Variants in MAP7D1 observed in about 807,000 individuals in gnomAD.
MAP7D1 encodes the protein MAP7 domain-containing protein 1.
In MAP7D1, 30 loss-of-function variants were observed where a neutral mutation model predicts 97.5. The observed-to-expected ratio is 0.31, with a 90% CI of 0.23 to 0.42. MAP7D1 has a LOEUF of 0.42. Among genes scored for constraint, MAP7D1 ranks in the 10% least tolerant of loss-of-function variants. The pLI is 1.00. For synonymous variants in MAP7D1, 536 were observed against 477.1 expected (o/e 1.12, Z -1.61); for missense variants, 1,184 against 1,179.5 (o/e 1.00, Z -0.06).
In MAP7D1 at chr1:36,180,538, G is replaced by A; in HGVS notation, c.*280G>A. The A allele has an allele frequency of 5.8e-6, 3 of 519,474 alleles. No individual in the cohort carries two copies. The South Asian group carries it at 6.3e-5, about 11-fold the overall frequency. 32.2% of individuals were successfully genotyped at this position (519,474 alleles called of 1,614,324 possible). A position where few individuals can be genotyped will look rare whatever the true frequency, so the allele number is the denominator to read the frequency against. ...CTCTCTGGCCTCTTCCCTTGGGGAGGGGCCACCTGTAGTATTTGCCTTGAT... is the reference window on the plus strand; with the variant it reads ...CTCTCTGGCCTCTTCCCTTGGGGAGAGGCCACCTGTAGTATTTGCCTTGAT... On this transcript the variant is annotated 3_prime_UTR_variant, in exon 17 of 17. Transcript: ENST00000474796.
intron 1 of MAP7D1, among the ~76,000 whole-genome samples, chr1:36,163,362 C>G (rs779188582): frequency 1.4e-4 from 22 of 152,158 alleles, no homozygotes; most frequent in Non-Finnish European, 3.1e-4. Context: ...ATAAAACCAA[C>G]AGTGGCAAAA....
intron 4 of MAP7D1, 135 bp downstream of exon 4, chr1:36,172,762 AGTT>A (rs1644564155): frequency 1.9e-6 from 2 of 1,028,922 alleles, no homozygotes; most frequent in South Asian, 2.9e-5. Flanking sequence ...TCACATCTAC[AGTT>A]GTGTCCCTGT....
At chr1:36,161,614 G>A (rs1444402232) in intron 1 of MAP7D1, among the ~76,000 whole-genome samples, 3 of 152,248 alleles carry the variant, frequency 2.0e-5, no homozygotes, top group Admixed American at 6.5e-5. Context: ...CCTGACAAAA[G>A]CATTAGCTGT....
rs367781636 is a variant in MAP7D1, at chr1:36,175,034, C to G, written c.850+26C>G. Reference sequence around the variant, plus strand: ...GTAAGAGAAGGCCCAGCCCTTCCCCCTCCAGAGCCCCTTGTAGCTCCCACC... The same window carrying G: ...GTAAGAGAAGGCCCAGCCCTTCCCCGTCCAGAGCCCCTTGTAGCTCCCACC... On this transcript the variant is annotated intron_variant, in intron 6 of 16. Transcript: ENST00000474796. The G allele has an allele frequency of 1.7e-5, 26 of 1,497,822 alleles. No individual in the cohort carries two copies. In the African/African-American group the frequency reaches 2.5e-4, roughly 14 times the overall value. 92.8% of individuals were successfully genotyped at this position (1,497,822 alleles called of 1,614,324 possible).
chr1:36,175,026 C>A lies in MAP7D1; in HGVS notation c.850+18C>A. 6.5e-7 allele frequency: 1 copy of A among 1,546,278 alleles called. No individual in the cohort carries two copies. The highest frequency in any genetic ancestry group is 8.9e-7 in the Non-Finnish European group (1 of 1,118,566). ...CAGTAGAAGTAAGAGAAGGCCCAGC[C>A]CTTCCCCCTCCAGAGCCCCTTGTAG... is the stretch of plus-strand genomic sequence containing the variant. On this transcript the variant is annotated intron_variant, in intron 6 of 16. Transcript: ENST00000474796.
rs61737152 is a variant in MAP7D1 at position 36,176,548 on chromosome 1, C to T, written c.1200C>T (p.Pro400=). Residue 400 remains proline, a synonymous_variant, in exon 7 of 17, where the codon CCC becomes CCT. Coordinates refer to ENST00000474796, the MANE Select transcript of MAP7D1 (RefSeq NM_001388490.1). This position sits in a 1 kb window ranked among gnomAD's most constrained non-coding sequence, Gnocchi z 6.1. ...GCAAGCCCAACGCCGGGGGCAGCCC[C>T]GCTCCGGTGCGCCGCCGGCCGGAGG... is the stretch of plus-strand genomic sequence containing the variant. ...ERRKPNAGGS[P]APVRRRPEAS... is the part of the protein sequence containing the mutation. 4,135 of 1,447,196 alleles carry T rather than the reference C, an allele frequency of 2.9e-3. 50 individuals are homozygous for T. In the Admixed American group the frequency reaches 0.033, roughly 12 times the overall value. 89.6% of individuals were successfully genotyped at this position (1,447,196 alleles called of 1,614,324 possible).
Position 36,177,967 on chromosome 1 carries a change from C to T in MAP7D1, c.1474C>T (p.Pro492Ser). The T allele has an allele frequency of 6.2e-7, 1 of 1,604,214 alleles. No homozygotes were observed. The highest frequency in any genetic ancestry group is 8.5e-7 in the Non-Finnish European group (1 of 1,173,518). ...CCCAGGGCCAGGCCACACTCTGCCT[C>T]CAAAGCCACCGTCCCCCCGAGGCAC... ...PSPGPGHTLP[P>S]KPPSPRGTTA... is the part of the protein sequence containing the mutation. The change falls in exon 9 of 17, where the codon CCA (proline) becomes TCA (serine). Residue 492 changes from proline to serine, a missense_variant. Physicochemically the swap from Pro to Ser is moderately conservative, Grantham distance 74. Transcript: ENST00000474796.
intron 15 of MAP7D1, 42 bp from the exon 16 acceptor site, chr1:36,179,832 C>T: frequency 6.3e-7 from 1 of 1,581,990 alleles, no homozygotes; most frequent in Non-Finnish European, 8.6e-7. Flanking sequence ...CCTGGGCTTT[C>T]CTGGGAGGTG....
chr1:36,170,708 C>T (rs1644529415), intron 1 of MAP7D1, among the ~76,000 whole-genome samples: 1 of 152,154 alleles, frequency 6.6e-6, no homozygotes, highest in African/African-American at 2.4e-5. Flanking sequence ...GCTTTGCTGC[C>T]CCAGACATAG....
At chr1:36,179,799 C>T (rs1644690683) in intron 15 of MAP7D1, 43 bp downstream of exon 15, 2 of 1,558,402 alleles carry the variant, frequency 1.3e-6, no homozygotes, top group Non-Finnish European at 1.7e-6. Flanking sequence ...GGGAGGCAGA[C>T]TGCAGCTGGA....
At chr1:36,162,738 A>C (rs1644429159) in intron 1 of MAP7D1, among the ~76,000 whole-genome samples, 1 of 152,160 alleles carries the variant, frequency 6.6e-6, no homozygotes, top group Non-Finnish European at 1.5e-5. Flanking sequence ...TAGTGTTTAG[A>C]GAGACTAAGC....
chr1:36,180,394 A>G lies in MAP7D1; in HGVS notation c.*136A>G. The stretch of plus-strand genomic sequence containing the variant: ...GGGGTGGGTCCTCTCTGTTGTTTTT[A>G]ATCTGCACCTTATAGACTGATGTCT... On this transcript the variant is annotated 3_prime_UTR_variant, in exon 17 of 17. Coordinates refer to ENST00000474796, the MANE Select transcript of MAP7D1 (RefSeq NM_001388490.1). 1.7e-6 allele frequency: 2 copies of G among 1,179,066 alleles called. No individual in the cohort carries two copies. Among genetic ancestry groups the G allele is most frequent in the Non-Finnish European group, 2.5e-6 (2 of 788,544 alleles). The allele number at this position is 1,179,066 out of a possible 1,614,324, so 73.0% of individuals were successfully genotyped here.
Position 36,179,289 on chromosome 1 carries a change from C to T in MAP7D1, c.2158C>T (p.Arg720Trp), listed in dbSNP as rs772585228. Residue 720 changes from arginine to tryptophan, a missense_variant, in exon 13 of 17, where the codon CGG (arginine) becomes TGG (tryptophan). By Grantham distance (101) the Arg-to-Trp change is moderately radical. Transcript: ENST00000474796. Reference protein sequence around the residue: ...KRLEEIMKRTRKSEVSETKKQ... With the variant: ...KRLEEIMKRTWKSEVSETKKQ... ...TCTGGAGGAGATCATGAAGAGGACT[C>T]GGAAGTCAGAAGTTTCTGAAACCAA... The T allele has an allele frequency of 6.2e-7, 1 of 1,613,940 alleles. No homozygotes were observed. The highest frequency in any genetic ancestry group is 8.5e-7 in the Non-Finnish European group (1 of 1,179,954).
At chr1:36,175,557 T>A (rs571588933) in intron 6 of MAP7D1, among the ~76,000 whole-genome samples, 2 of 152,346 alleles carry the variant, frequency 1.3e-5, no homozygotes, top group South Asian at 4.1e-4. Context: ...GCCCTGGTGC[T>A]CATATGTGAA....
chr1:36,180,476 A>T lies in MAP7D1; in HGVS notation c.*218A>T. Reference sequence around the variant, plus strand: ...CATTCGTGTGCTCGCACGCGCAGACATCCCTTCTCCCCCATACACACATAT... The same window carrying T: ...CATTCGTGTGCTCGCACGCGCAGACTTCCCTTCTCCCCCATACACACATAT... On this transcript the variant is annotated 3_prime_UTR_variant, in exon 17 of 17. Transcript: ENST00000474796. 1.6e-6 allele frequency: 1 copy of T among 625,534 alleles called. No homozygotes were observed. The highest frequency in any genetic ancestry group is 2.8e-6 in the Non-Finnish European group (1 of 352,882). The allele number at this position is 625,534 out of a possible 1,614,324, so 38.7% of individuals were successfully genotyped here.
intron 8 of MAP7D1, 107 bp from the exon 9 acceptor site, chr1:36,177,766 G>T: frequency 6.9e-7 from 1 of 1,453,660 alleles, no homozygotes; most frequent in Non-Finnish European, 9.1e-7. Context: ...GGCGGGGGGC[G>T]GCGCTGATGT....
At chr1:36,177,758 CG>C (rs1259760306) in intron 8 of MAP7D1, 114 bp from the exon 9 acceptor site, 6 of 1,073,748 alleles carry the variant, frequency 5.6e-6, no homozygotes, top group South Asian at 4.6e-5. Flanking sequence ...AGCAAGGGGG[CG>C]GGGGGCGGCG....
chr1:36,171,816 C>A (rs908691555), intron 3 of MAP7D1: 7 of 371,968 alleles, frequency 1.9e-5, no homozygotes, highest in Non-Finnish European at 3.6e-5. Context: ...TCCCTGTAAT[C>A]CCAGCTACTC....
chr1:36,171,670 C>T (rs568193836), intron 3 of MAP7D1, 89 bp downstream of exon 3: 305 of 1,405,726 alleles, frequency 2.2e-4, no homozygotes, highest in Non-Finnish European at 2.8e-4. Flanking sequence ...CAGTGGCTCA[C>T]GCCTGTAATC....
Sources: allele counts gnomAD v4.1 joint callset (sites outside exome capture counted in the v4.1 genomes callset), GRCh38; gene constraint gnomAD v4.1.1; non-coding constraint Gnocchi (gnomAD v3.1); transcripts MANE v1.5; gene names NCBI Gene and HGNC (gene_info 2026-07-23, HGNC 2026-07-21).